The following FBXO8 variants were observed in gnomAD, a reference collection of about 807,000 sequenced individuals.
The protein encoded by FBXO8 is F-box protein 8, also known as F-box only protein 8.
A neutral mutation model predicts 33.4 loss-of-function variants in FBXO8; 15 were observed. The observed-to-expected ratio is 0.45, with a 90% CI of 0.30 to 0.69. FBXO8 has a LOEUF of 0.69. Among genes scored for constraint, FBXO8 ranks in the 30% least tolerant of loss-of-function variants. FBXO8 has a pLI of 0.08. For synonymous variants in FBXO8, 132 were observed against 131.5 expected (o/e 1.00, Z -0.02); for missense variants, 274 against 380.3 (o/e 0.72, Z 2.32).
chr4:174,279,134 C>T (rs926506092), intron 1 of FBXO8, among the ~76,000 whole-genome samples: 1 of 151,942 alleles, frequency 6.6e-6, no homozygotes, highest in Non-Finnish European at 1.5e-5. Flanking sequence ...CCTAAAGATT[C>T]TACCAAAAAC....
intron 1 of FBXO8, among the ~76,000 whole-genome samples, chr4:174,280,215 G>A (rs761860255): frequency 8.6e-5 from 13 of 151,846 alleles, no homozygotes; most frequent in African/African-American, 2.4e-4. Flanking sequence ...ATACACTAAC[G>A]TCCAATAAGC....
intron 1 of FBXO8, among the ~76,000 whole-genome samples, chr4:174,279,539 T>C (rs1309726720): frequency 6.6e-6 from 1 of 152,054 alleles, no homozygotes. Context: ...GGACCTCTAA[T>C]AGTCAAACCA....
intron 3 of FBXO8, among the ~76,000 whole-genome samples, chr4:174,249,885 G>A (rs948487827): frequency 6.6e-6 from 1 of 151,958 alleles, no homozygotes; most frequent in Non-Finnish European, 1.5e-5. Flanking sequence ...ATCATTTAAA[G>A]CTAGGAGATA....
intron 4 of FBXO8, 114 bp from the exon 5 acceptor site, chr4:174,239,304 A>C: frequency 1.8e-6 from 1 of 545,556 alleles, no homozygotes; most frequent in South Asian, 4.0e-5. Flanking sequence ...TGATTACTAG[A>C]TCAGCTAATC....
rs1371556397 is a variant in FBXO8, at chr4:174,255,146, C to T, written c.456+4553G>A. Among the ~76,000 whole-genome samples the T allele has an allele frequency of 6.6e-6, 1 of 152,064 alleles. No homozygotes were observed. Among genetic ancestry groups the T allele is most frequent in the African/African-American group, 2.4e-5 (1 of 41,418 alleles). ...AAGAATTCCTTTTTAACTGTGTATT[C>T]CCAAGGAATGCACTTGGGAAATGTT... On this transcript the variant is annotated intron_variant, in intron 3 of 5. Transcript: ENST00000393674. This position sits in a 1 kb window ranked among gnomAD's most constrained non-coding sequence, Gnocchi z 4.3.
Position 174,259,346 on chromosome 4 carries a change from G to GA in FBXO8, c.456+352dup, listed in dbSNP as rs1736490142. On this transcript the variant is annotated intron_variant, in intron 3 of 5. Coordinates refer to ENST00000393674, the MANE Select transcript of FBXO8 (RefSeq NM_012180.3). This position sits in a 1 kb window ranked among gnomAD's most constrained non-coding sequence, Gnocchi z 4.3. ...CACTACTAAGGAAAAACAATAAACA[G>GA]AAAAAAACTGCTGCAGATAAAATCT... Among the ~76,000 whole-genome samples the GA allele has an allele frequency of 1.3e-5, 2 of 152,006 alleles. No homozygotes were observed. The highest frequency in any genetic ancestry group is 4.1e-4 in the South Asian group (2 of 4,822).
Position 174,237,238 on chromosome 4 carries a change from G to C in FBXO8, c.*174C>G, listed in dbSNP as rs12186241. 1.9e-6 allele frequency: 1 copy of C among 533,660 alleles called. No homozygotes were observed. The highest frequency in any genetic ancestry group is 1.9e-5 in the African/African-American group (1 of 53,042). The allele number at this position is 533,660 out of a possible 1,614,324, so 33.1% of individuals were successfully genotyped here. A position where few individuals can be genotyped will look rare whatever the true frequency, so the allele number is the denominator to read the frequency against. On this transcript the variant is annotated 3_prime_UTR_variant, in exon 6 of 6. Transcript: ENST00000393674. This position sits in a 1 kb window ranked among gnomAD's most constrained non-coding sequence, Gnocchi z 4.4. ...AGGAAAAATTCTGCAAAATTATTTA[G>C]TTCCCCAAGGAAATTACTAAAATAG...
rs941160623 is a variant in FBXO8 at position 174,275,231 on chromosome 4, G to A, written c.-9+8179C>T. 1.3e-5 allele frequency among the ~76,000 whole-genome samples: 2 copies of A among 152,082 alleles called. No homozygotes were observed. Among genetic ancestry groups the A allele is most frequent in the African/African-American group, 2.4e-5 (1 of 41,422 alleles). On this transcript the variant is annotated intron_variant, in intron 1 of 5. Coordinates refer to ENST00000393674, the MANE Select transcript of FBXO8 (RefSeq NM_012180.3). The surrounding 1 kb of genome is among the most constrained non-coding windows in gnomAD (Gnocchi z 4.4). ...CATTAGCCAGGAGAGAGGTGCGTAC[G>A]GTTATAAAAGCACAGTGTGAGAGAT...
intron 3 of FBXO8, among the ~76,000 whole-genome samples, chr4:174,250,997 A>C (rs1736273143): frequency 6.6e-6 from 1 of 152,192 alleles, no homozygotes; most frequent in African/African-American, 2.4e-5. Flanking sequence ...GAAAATAAAA[A>C]GCAAACAGAT....
At chr4:174,260,718 C>T (rs1393333698) in intron 2 of FBXO8, among the ~76,000 whole-genome samples, 6 of 152,018 alleles carry the variant, frequency 3.9e-5, no homozygotes, top group South Asian at 2.1e-4. Flanking sequence ...TATTATAATG[C>T]CTGGAAATTC....
intron 1 of FBXO8, among the ~76,000 whole-genome samples, chr4:174,279,626 A>G (rs1178387965): frequency 6.6e-6 from 1 of 152,162 alleles, no homozygotes; most frequent in Non-Finnish European, 1.5e-5. Flanking sequence ...TAACCAAAAC[A>G]GTATGGTATT....
chr4:174,271,532 A>G (rs946233869), intron 1 of FBXO8, among the ~76,000 whole-genome samples: 4 of 152,162 alleles, frequency 2.6e-5, no homozygotes, highest in Admixed American at 1.3e-4. Flanking sequence ...CATACATCAC[A>G]TATCTAGAAT....
In FBXO8 at chr4:174,281,554, G is replaced by GGCGT. The variant is rs1737087965; in HGVS notation, c.-9+1852_-9+1855dup. On this transcript the variant is annotated intron_variant, in intron 1 of 5. Coordinates refer to ENST00000393674, the MANE Select transcript of FBXO8 (RefSeq NM_012180.3). This position sits in a 1 kb window ranked among gnomAD's most constrained non-coding sequence, Gnocchi z 4.6. Reference sequence around the variant, plus strand: ...ATTAAAAGAAATAACCACACGTGATGGCGTGTGCCTGTGGTCCCAGGTACT... The same window carrying GGCGT: ...ATTAAAAGAAATAACCACACGTGATGGCGTGCGTGTGCCTGTGGTCCCAGGTACT... Among the ~76,000 whole-genome samples the GGCGT allele has an allele frequency of 1.3e-5, 2 of 152,128 alleles. No homozygotes were observed. Among genetic ancestry groups the GGCGT allele is most frequent in the Non-Finnish European group, 2.9e-5 (2 of 68,026 alleles).
Position 174,245,011 on chromosome 4 carries a change from A to C in FBXO8, c.457-3793T>G, listed in dbSNP as rs892523586. Among the ~76,000 whole-genome samples the C allele has an allele frequency of 1.3e-5, 2 of 151,784 alleles. No homozygotes were observed. The highest frequency in any genetic ancestry group is 4.8e-5 in the African/African-American group (2 of 41,394). ...TATTTACATATATGCATCTGCTTTA[A>C]AATATTTTTTAAAACATGAAGCAAT... On this transcript the variant is annotated intron_variant, in intron 3 of 5. Coordinates refer to ENST00000393674, the MANE Select transcript of FBXO8 (RefSeq NM_012180.3). This position sits in a 1 kb window ranked among gnomAD's most constrained non-coding sequence, Gnocchi z 4.6.
chr4:174,271,271 G>T (rs1462457915), intron 1 of FBXO8, among the ~76,000 whole-genome samples: 1 of 152,206 alleles, frequency 6.6e-6, no homozygotes, highest in African/African-American at 2.4e-5. Context: ...ATCGTATGGA[G>T]AGGGAAGCAG....
intron 1 of FBXO8, among the ~76,000 whole-genome samples, chr4:174,276,067 A>G (rs1253319408): frequency 2.0e-5 from 3 of 151,322 alleles, no homozygotes; most frequent in African/African-American, 7.3e-5. Flanking sequence ...TACAAATATT[A>G]TATTTCTAAT....
rs1444633058 is a variant in FBXO8, at chr4:174,252,844, A to G, written c.456+6855T>C. 1.3e-5 allele frequency among the ~76,000 whole-genome samples: 2 copies of G among 151,924 alleles called. No homozygotes were observed. The highest frequency in any genetic ancestry group is 4.8e-5 in the African/African-American group (2 of 41,342). On this transcript the variant is annotated intron_variant, in intron 3 of 5. Transcript: ENST00000393674. This position sits in a 1 kb window ranked among gnomAD's most constrained non-coding sequence, Gnocchi z 5.1. ...ATATTAGCCAGGTGTGGTGGCATGC[A>G]CCTGTAATCCCAGCTACTCCAGAGG...
chr4:174,280,559 A>C (rs1295537649), intron 1 of FBXO8, among the ~76,000 whole-genome samples: 1 of 152,218 alleles, frequency 6.6e-6, no homozygotes, highest in East Asian at 1.9e-4. Flanking sequence ...AGCATTATTC[A>C]CAACAGCTAA....
At chr4:174,260,577 G>A (rs1736534666) in intron 2 of FBXO8, among the ~76,000 whole-genome samples, 1 of 151,948 alleles carries the variant, frequency 6.6e-6, no homozygotes. Context: ...AGTGATACAT[G>A]ATTGTTTAGA....
Sources: allele counts gnomAD v4.1 joint callset (sites outside exome capture counted in the v4.1 genomes callset), GRCh38; gene constraint gnomAD v4.1.1; non-coding constraint Gnocchi (gnomAD v3.1); transcripts MANE v1.5; gene names NCBI Gene and HGNC (gene_info 2026-07-23, HGNC 2026-07-21).